The following RHPN2 variants were observed in gnomAD, a reference collection of about 807,000 sequenced individuals.
RHPN2 encodes the protein rhophilin-2.
Under a neutral mutation model 79.0 loss-of-function variants are expected in RHPN2, and 40 were observed. The ratio of observed to expected loss-of-function variants is 0.51; its 90% confidence interval spans 0.39 to 0.66. The LOEUF (loss-of-function observed/expected upper bound fraction) is 0.66, where lower values mean the gene tolerates loss of function less well. Among genes scored for constraint, RHPN2 ranks in the 30% least tolerant of loss-of-function variants. RHPN2 has a pLI of 0.00. For synonymous variants in RHPN2, 285 were observed against 363.5 expected, an observed-to-expected ratio of 0.78 and a Z score of 2.46; for missense variants, 686 against 883.5, an observed-to-expected ratio of 0.78 and a Z score of 2.83.
At chr19:32,994,956 AAAAC>A (rs1022127373) in intron 11 of RHPN2, among the ~76,000 whole-genome samples, 8 of 152,164 alleles carry the variant, frequency 5.3e-5, no homozygotes, top group African/African-American at 1.4e-4. Flanking sequence ...TGACCTCTCA[AAAAC>A]AAACAAACAA....
chr19:33,036,530 C>A (rs1972056929), intron 2 of RHPN2, among the ~76,000 whole-genome samples: 1 of 152,200 alleles, frequency 6.6e-6, no homozygotes, highest in South Asian at 2.1e-4. Flanking sequence ...TGGGCTCCCA[C>A]TTTGGCGACA....
chr19:33,045,089 G>C (rs912405274), intron 1 of RHPN2, among the ~76,000 whole-genome samples: 1 of 145,670 alleles, frequency 6.9e-6, no homozygotes, highest in East Asian at 2.0e-4. Flanking sequence ...GTCTCGCTGC[G>C]TGCCTAGGAT....
chr19:33,015,423 T>TTA (rs1971870024), intron 4 of RHPN2, among the ~76,000 whole-genome samples: 1 of 141,416 alleles, frequency 7.1e-6, no homozygotes, highest in East Asian at 2.2e-4. Flanking sequence ...AGACTTCGCC[T>TTA]CAAAAAAAAA....
intron 4 of RHPN2, among the ~76,000 whole-genome samples, chr19:33,013,852 A>G (rs186581719): frequency 3.1e-4 from 41 of 132,724 alleles, no homozygotes; most frequent in African/African-American, 1.1e-3. Context: ...AAGGCATTTT[A>G]TTTTATTTTA....
intron 2 of RHPN2, among the ~76,000 whole-genome samples, chr19:33,040,025 T>A (rs1972088010): frequency 6.6e-6 from 1 of 151,914 alleles, no homozygotes; most frequent in Non-Finnish European, 1.5e-5. Context: ...CCACTCCCTG[T>A]TGTCTCACAG....
chr19:33,052,626 T>G (rs965762384), intron 1 of RHPN2, among the ~76,000 whole-genome samples: 6 of 152,254 alleles, frequency 3.9e-5, no homozygotes, highest in Admixed American at 2.6e-4. Flanking sequence ...TGCAGTACAC[T>G]GCAATACACA....
chr19:33,009,510 G>T (rs988556205), intron 6 of RHPN2, among the ~76,000 whole-genome samples: 5 of 152,094 alleles, frequency 3.3e-5, no homozygotes, highest in Non-Finnish European at 7.4e-5. Context: ...GAGTGCGGTG[G>T]CATGATCATG....
intron 2 of RHPN2, among the ~76,000 whole-genome samples, chr19:33,030,640 C>A (rs1338314477): frequency 1.3e-5 from 2 of 152,166 alleles, no homozygotes; most frequent in Non-Finnish European, 2.9e-5. Context: ...TCAGTACATG[C>A]ATGCACACAC....
At chr19:33,031,069 C>T (rs976204554) in intron 2 of RHPN2, among the ~76,000 whole-genome samples, 1 of 152,136 alleles carries the variant, frequency 6.6e-6, no homozygotes, top group Non-Finnish European at 1.5e-5. Context: ...AATTCAGGAA[C>T]AGCCAATTGG....
chr19:33,061,238 T>G (rs1431896802), intron 1 of RHPN2, among the ~76,000 whole-genome samples: 1 of 148,822 alleles, frequency 6.7e-6, no homozygotes, highest in Non-Finnish European at 1.5e-5. Flanking sequence ...TTTTTTTTTT[T>G]TTTTTTTTGA....
intron 2 of RHPN2, among the ~76,000 whole-genome samples, chr19:33,043,999 A>T (rs558535739): frequency 6.6e-5 from 10 of 152,192 alleles, no homozygotes; most frequent in Non-Finnish European, 1.3e-4. Context: ...TCCCATCAAG[A>T]TGGCTGACTG....
At chr19:33,056,092 CTTTTCTTTTTT>C (rs1387113220) in intron 1 of RHPN2, among the ~76,000 whole-genome samples, 24 of 142,136 alleles carry the variant, frequency 1.7e-4, no homozygotes, top group African/African-American at 6.0e-4. Flanking sequence ...AGCTGCTTTT[CTTTTCTTTTTT>C]TTTTCTTTTT....
At chr19:33,044,413 T>C in intron 1 of RHPN2, 49 bp from the exon 2 acceptor site, 1 of 1,183,760 alleles carries the variant, frequency 8.4e-7, no homozygotes, top group Non-Finnish European at 1.3e-6. Flanking sequence ...ACTCTAAAAA[T>C]GATGACAGGG....
At chr19:33,025,701 G>A (rs1470441716) in intron 3 of RHPN2, among the ~76,000 whole-genome samples, 2 of 152,132 alleles carry the variant, frequency 1.3e-5, no homozygotes, top group East Asian at 3.8e-4. Context: ...TTTGTTCCTT[G>A]GCAAATAAAT....
chr19:32,984,105 C>T (rs138406493), intron 14 of RHPN2, among the ~76,000 whole-genome samples: 2 of 152,264 alleles, frequency 1.3e-5, no homozygotes, highest in Non-Finnish European at 2.9e-5. Flanking sequence ...GAAGGTTACA[C>T]AGCTTGTGAA....
At chr19:33,004,833 T>A (rs1382734290) in intron 7 of RHPN2, among the ~76,000 whole-genome samples, 1 of 151,752 alleles carries the variant, frequency 6.6e-6, no homozygotes, top group African/African-American at 2.4e-5. Flanking sequence ...GTGATCTGCC[T>A]GCCTCGGCCA....
chr19:33,034,079 A>T (rs1292374992), intron 2 of RHPN2, among the ~76,000 whole-genome samples: 1 of 151,384 alleles, frequency 6.6e-6, no homozygotes, highest in Admixed American at 6.6e-5. Flanking sequence ...GCTGGTCTCA[A>T]ACTGCTAAGA....
chr19:33,060,766 A>T (rs1280140722), intron 1 of RHPN2, among the ~76,000 whole-genome samples: 1 of 152,056 alleles, frequency 6.6e-6, no homozygotes, highest in African/African-American at 2.4e-5. Flanking sequence ...TCCTGGCCTC[A>T]AGCAATCCTC....
chr19:33,063,515 T>C (rs950400512), intron 1 of RHPN2, among the ~76,000 whole-genome samples: 4 of 152,190 alleles, frequency 2.6e-5, no homozygotes, highest in African/African-American at 7.2e-5. Context: ...GTCGTATCTA[T>C]TATAAAAACG....
Sources: allele counts gnomAD v4.1 joint callset (sites outside exome capture counted in the v4.1 genomes callset), GRCh38; gene constraint gnomAD v4.1.1; transcripts MANE v1.5; gene names NCBI Gene and HGNC (gene_info 2026-07-23, HGNC 2026-07-21).